The following COL6A5 variants were observed in gnomAD, a reference collection of about 807,000 sequenced individuals.
COL6A5 encodes the protein collagen type VI alpha 5 chain, also known as collagen alpha-5(VI) chain.
In COL6A5, 48 loss-of-function variants were observed where a neutral mutation model predicts 65.6. The observed-to-expected ratio is 0.73, with a 90% CI of 0.58 to 0.93. The LOEUF (loss-of-function observed/expected upper bound fraction) is 0.93. COL6A5 is among the 40% of genes least tolerant of loss of function. COL6A5 has a pLI of 0.00. For missense variants in COL6A5, 914 were observed against 928.3 expected (o/e 0.98, Z 0.20); for synonymous variants, 291 against 322.8 (o/e 0.90, Z 1.05).
chr3:130,401,389 TA>T (rs1386604601), intron 11 of COL6A5, among the ~76,000 whole-genome samples: 1 of 152,192 alleles, frequency 6.6e-6, no homozygotes, highest in African/African-American at 2.4e-5. Context: ...CATAAGTAAC[TA>T]AAAAACCAAC....
At chr3:130,394,653 G>T (rs113752714) in intron 7 of COL6A5, among the ~76,000 whole-genome samples, 60 of 151,996 alleles carry the variant, frequency 3.9e-4, no homozygotes, top group Non-Finnish European at 5.1e-4. Flanking sequence ...TTAGCTTTCA[G>T]TGTCTTTTCA....
In COL6A5 at chr3:130,471,663, C is replaced by G. The variant is rs1253415372; in HGVS notation, c.2328+696C>G. On this transcript the variant is annotated intron_variant, in intron 7 of 7. Transcript: ENST00000512836. ...GACTTGGCTAACTAATTTTTTATCTCTCTTCTCTATTACCTCAGACTTCTT... is the reference window on the plus strand; with the variant it reads ...GACTTGGCTAACTAATTTTTTATCTGTCTTCTCTATTACCTCAGACTTCTT... 2 of 1,530,258 alleles carry G rather than the reference C, an allele frequency of 1.3e-6. No homozygotes were observed. Among genetic ancestry groups the G allele is most frequent in the East Asian group, 2.5e-5 (1 of 40,784 alleles). 94.8% of individuals were successfully genotyped at this position (1,530,258 alleles called of 1,614,324 possible). A position where few individuals can be genotyped will look rare whatever the true frequency, so the allele number is the denominator to read the frequency against.
intron 2 of COL6A5, 42 bp from the exon 3 acceptor site, chr3:130,376,195 T>A: frequency 6.5e-7 from 1 of 1,529,464 alleles, no homozygotes; most frequent in Non-Finnish European, 8.8e-7. Context: ...ATACAAAGGT[T>A]GAATGATAAC....
chr3:130,476,630 G>A (rs139485040), intron 7 of COL6A5, among the ~76,000 whole-genome samples: 7 of 152,096 alleles, frequency 4.6e-5, no homozygotes, highest in African/African-American at 1.4e-4. Flanking sequence ...ATTTCAATGT[G>A]CATTCAAGTT....
At chr3:130,440,427 T>A (rs1229388531) in exon 3 of COL6A5, 2 of 1,613,550 alleles carry the variant, frequency 1.2e-6, no homozygotes, top group African/African-American at 2.7e-5. Context: ...AAAACAGAGT[T>A]TGATTTCATC....
In COL6A5 at chr3:130,409,309, C is replaced by A. The variant is rs1272488423; in HGVS notation, c.4480-17C>A. ...CCTCCTACAAGCTAACTCAGAAATT[C>A]ATTTCATTTTTTTCAGGGCAGCCCA... is the stretch of plus-strand genomic sequence containing the variant. On this transcript the variant is annotated splice_polypyrimidine_tract_variant and intron_variant and NMD_transcript_variant, in intron 17 of 41. Coordinates refer to the COL6A5 transcript ENST00000312481. The A allele has an allele frequency of 6.5e-7, 1 of 1,533,448 alleles. No individual in the cohort carries two copies. Among genetic ancestry groups the A allele is most frequent in the Non-Finnish European group, 8.8e-7 (1 of 1,139,968 alleles). The allele number at this position is 1,533,448 out of a possible 1,614,324, so 95.0% of individuals were successfully genotyped here. A position where few individuals can be genotyped will look rare whatever the true frequency, so the allele number is the denominator to read the frequency against.
chr3:130,347,368 T>A (rs183085062), intron 1 of COL6A5, among the ~76,000 whole-genome samples: 34 of 147,884 alleles, frequency 2.3e-4, no homozygotes, highest in Middle Eastern at 7.2e-3. Context: ...TTTAATTATT[T>A]TATATATATA....
chr3:130,403,667 GT>G lies in COL6A5; in HGVS notation c.4281+10del. The stretch of plus-strand genomic sequence containing the variant: ...AGGGGAGAGGATGGAAACCCTGTAA[GT>G]TTTTATTACTCCCCCTCACCCCCTG... On this transcript the variant is annotated splice_donor_region_variant and intron_variant and NMD_transcript_variant, in intron 13 of 41. Coordinates refer to the COL6A5 transcript ENST00000312481. 2.6e-6 allele frequency: 4 copies of G among 1,549,578 alleles called. No homozygotes were observed. Among genetic ancestry groups the G allele is most frequent in the Non-Finnish European group, 3.5e-6 (4 of 1,145,658 alleles).
intron 22 of COL6A5, 94 bp from the exon 23 acceptor site, chr3:130,415,551 A>G: frequency 8.7e-7 from 1 of 1,154,908 alleles, no homozygotes; most frequent in Non-Finnish European, 1.2e-6. Flanking sequence ...GAAGGGCTGG[A>G]CCATTGCTTT....
intron 4 of COL6A5, among the ~76,000 whole-genome samples, chr3:130,382,432 G>C (rs1274778594): frequency 6.6e-6 from 1 of 152,026 alleles, no homozygotes; most frequent in Admixed American, 6.6e-5. Context: ...AAAATGGTAA[G>C]AAATTTGAGA....
chr3:130,421,802 A>AT lies in COL6A5; in HGVS notation c.5037+449dup, dbSNP rs1276199366. Among the ~76,000 whole-genome samples, 11 of 151,996 alleles carry AT rather than the reference A, an allele frequency of 7.2e-5. No individual in the cohort carries two copies. The East Asian group carries it at 2.1e-3, about 30-fold the overall frequency. ...TAATTCCAAACACTACTGTCACTTG[A>AT]TTTTTTTCCAAAGCATAGCTAAATT... On this transcript the variant is annotated intron_variant and NMD_transcript_variant, in intron 27 of 41. Coordinates refer to the COL6A5 transcript ENST00000312481.
chr3:130,466,803 A>G (rs1403356021), intron 5 of COL6A5, among the ~76,000 whole-genome samples: 1 of 152,024 alleles, frequency 6.6e-6, no homozygotes, highest in Non-Finnish European at 1.5e-5. Flanking sequence ...TATTAAAAGG[A>G]TAACCAGGGA....
rs543746446 is a variant in COL6A5, at chr3:130,395,435, C to T, written c.3538C>T (p.Arg1180Cys). 4.6e-4 allele frequency: 705 copies of T among 1,545,430 alleles called. No homozygotes were observed. The highest frequency in any genetic ancestry group is 7.3e-4 in the African/African-American group (53 of 72,502). The change falls in exon 8 of 42, where the codon CGT becomes TGT. Residue 1180 changes from arginine to cysteine, a missense_variant and NMD_transcript_variant. Transcript: ENST00000312481. ...TGTGGATGTGAAAAAAAGAATCATC[C>T]GTGAAATCTGCCAGAGCTGTGGGAA... is the stretch of plus-strand genomic sequence containing the variant.
chr3:130,451,547 A>G (rs1392257426), intron 4 of COL6A5, among the ~76,000 whole-genome samples: 1 of 152,032 alleles, frequency 6.6e-6, no homozygotes, highest in African/African-American at 2.4e-5. Flanking sequence ...TTATAGGTAA[A>G]TTGTACTTTG....
chr3:130,353,779 C>T (rs1216270811), intron 1 of COL6A5, among the ~76,000 whole-genome samples: 1 of 151,412 alleles, frequency 6.6e-6, no homozygotes, highest in Non-Finnish European at 1.5e-5. Flanking sequence ...TTTCTTTGAT[C>T]TCAAACTGTT....
At chr3:130,363,591 A>G (rs1159065077) in intron 1 of COL6A5, among the ~76,000 whole-genome samples, 1 of 152,228 alleles carries the variant, frequency 6.6e-6, no homozygotes, top group Non-Finnish European at 1.5e-5. Context: ...TCTCTTGAGA[A>G]CATGCCTTGT....
At chr3:130,395,609 A>T (rs1936572463) in intron 8 of COL6A5, 144 bp downstream of exon 8, 3 of 732,548 alleles carry the variant, frequency 4.1e-6, no homozygotes, top group Non-Finnish European at 6.7e-6. Context: ...CAATGAGAAG[A>T]GACTTCTCTG....
exon 3 of COL6A5, chr3:130,376,583 G>A (rs972150963): frequency 6.2e-7 from 1 of 1,606,932 alleles, no homozygotes; most frequent in Admixed American, 1.7e-5. Flanking sequence ...CCCCAATTTT[G>A]GTGGTCCTGG....
chr3:130,360,249 A>G (rs1301821235), intron 1 of COL6A5, among the ~76,000 whole-genome samples: 1 of 152,152 alleles, frequency 6.6e-6, no homozygotes, highest in Non-Finnish European at 1.5e-5. Context: ...TCCAGCAGGT[A>G]CCAGTGCTGA....
Sources: allele counts gnomAD v4.1 joint callset (sites outside exome capture counted in the v4.1 genomes callset), GRCh38; gene constraint gnomAD v4.1.1; transcripts MANE v1.5; gene names NCBI Gene and HGNC (gene_info 2026-07-23, HGNC 2026-07-21).